NFYB: variants seen among roughly 807,000 people sequenced by gnomAD.
The protein encoded by NFYB is CAAT box DNA-binding protein subunit B.
In NFYB, 13 loss-of-function variants were observed where a neutral mutation model predicts 28.0. That is an observed-to-expected ratio of 0.46 (90% CI 0.30 to 0.74). The LOEUF (loss-of-function observed/expected upper bound fraction) is 0.74. Among genes scored for constraint, NFYB ranks in the 30% least tolerant of loss-of-function variants. NFYB has a pLI of 0.07. For synonymous variants in NFYB, 74 were observed against 75.0 expected, an observed-to-expected ratio of 0.99 and a Z score of 0.07; for missense variants, 142 against 247.6, an observed-to-expected ratio of 0.57 and a Z score of 2.86.
chr12:104,132,738 G>C (rs569413767), intron 2 of NFYB, among the ~76,000 whole-genome samples: 1 of 152,336 alleles, frequency 6.6e-6, no homozygotes, highest in South Asian at 2.1e-4. Context: ...GACAGTGTAA[G>C]CCTAGCTGAA....
In NFYB at chr12:104,121,303, C is replaced by T; in HGVS notation, c.448G>A (p.Gly150Arg). The T allele has an allele frequency of 6.2e-7, 1 of 1,612,396 alleles. No homozygotes were observed. The highest frequency in any genetic ancestry group is 8.5e-7 in the Non-Finnish European group (1 of 1,179,548). ...KFREAMKGEK[G>R]IGGAVTATDG... is the part of the protein sequence containing the mutation. ...GTAGCTGTGACTGCTCCACCAATTC[C>T]CTTTTCTCCTTTCATAGCCTGAGGA... Residue 150 changes from glycine to arginine, a missense_variant, in exon 6 of 8, where the codon GGA becomes AGA. Gly to Arg is a moderately radical substitution (Grantham distance 125). Coordinates refer to ENST00000240055, the MANE Select transcript of NFYB (RefSeq NM_006166.4).
chr12:104,123,202 C>T, intron 5 of NFYB, 24 bp downstream of exon 5: 1 of 1,534,370 alleles, frequency 6.5e-7, no homozygotes, highest in Non-Finnish European at 8.9e-7. Flanking sequence ...AAAAAAAAAG[C>T]ACAATGGGAG....
At chr12:104,123,923 T>C (rs997424762) in intron 4 of NFYB, among the ~76,000 whole-genome samples, 8 of 152,096 alleles carry the variant, frequency 5.3e-5, no homozygotes, top group African/African-American at 1.9e-4. Flanking sequence ...ATTGAGCCAC[T>C]GTACTCCAGG....
At chr12:104,133,600 G>A (rs1387395667) in intron 2 of NFYB, among the ~76,000 whole-genome samples, 1 of 152,184 alleles carries the variant, frequency 6.6e-6, no homozygotes, top group Admixed American at 6.5e-5. Flanking sequence ...CTAGCAAAGT[G>A]CAAGATACAT....
intron 2 of NFYB, among the ~76,000 whole-genome samples, chr12:104,133,676 G>A (rs1034401269): frequency 5.9e-5 from 9 of 152,096 alleles, no homozygotes; most frequent in Non-Finnish European, 1.3e-4. Context: ...TATTCTTCCA[G>A]GCAGAGATTC....
intron 2 of NFYB, among the ~76,000 whole-genome samples, chr12:104,132,246 C>G (rs2030950838): frequency 6.6e-6 from 1 of 151,958 alleles, no homozygotes; most frequent in Non-Finnish European, 1.5e-5. Flanking sequence ...AGAAATCAGT[C>G]AGGCAAAAAG....
In NFYB at chr12:104,123,447, T is replaced by C. The variant is rs535887513; in HGVS notation, c.232-24A>G. The C allele has an allele frequency of 1.2e-4, 200 of 1,601,002 alleles. 2 individuals carry two copies. The South Asian group carries it at 1.9e-3, about 15-fold the overall frequency. On this transcript the variant is annotated intron_variant, in intron 4 of 7. Transcript: ENST00000240055. The stretch of plus-strand genomic sequence containing the variant: ...ATCTGAAGAGAAAATCATAGGTAAA[T>C]TACAGAAACTATAACCATCACCTTC...
At chr12:104,126,269 G>T in intron 3 of NFYB, 25 bp from the exon 4 acceptor site, 1 of 1,489,608 alleles carries the variant, frequency 6.7e-7, no homozygotes, top group Non-Finnish European at 8.9e-7. Context: ...ATATTTAGGT[G>T]TAAAGCTTCT....
intron 1 of NFYB, 157 bp downstream of exon 1, chr12:104,137,984 G>T (rs1477729875): frequency 6.9e-6 from 1 of 145,392 alleles, no homozygotes. Context: ...TCGCAGGCGC[G>T]GGGCCCGGCC....
intron 1 of NFYB, 196 bp downstream of exon 1, chr12:104,137,945 C>CCCCGGCCCGG (rs1279869447): frequency 6.8e-6 from 1 of 146,266 alleles, no homozygotes; most frequent in Non-Finnish European, 1.5e-5. Flanking sequence ...CGCGCCCGCT[C>CCCCGGCCCGG]CCCGGCCCGG....
In NFYB at chr12:104,123,208, G is replaced by A. The variant is rs1379536721; in HGVS notation, c.429+18C>T. ...AAAAGAAGAAAAAAAAAAGCACAAT[G>A]GGAGATATTTTATTTACCTCTCTGA... On this transcript the variant is annotated intron_variant, in intron 5 of 7. Transcript: ENST00000240055. 3.2e-6 allele frequency: 5 copies of A among 1,565,654 alleles called. No individual in the cohort carries two copies. The highest frequency in any genetic ancestry group is 1.7e-6 in the Non-Finnish European group (2 of 1,148,814).
At position 104,125,548 on chromosome 12, in the gene NFYB, C is replaced by T. The variant is rs776228402; in HGVS notation, c.231+566G>A. 5.9e-5 allele frequency among the ~76,000 whole-genome samples: 9 copies of T among 151,562 alleles called. No homozygotes were observed. The South Asian group carries it at 6.3e-4, about 11-fold the overall frequency. Reference sequence around the variant, plus strand: ...AAACCTGATAGTTCTGACAACGTACCTATTTTTTAAAACAGTCGGGCCAGG... The same window carrying T: ...AAACCTGATAGTTCTGACAACGTACTTATTTTTTAAAACAGTCGGGCCAGG... On this transcript the variant is annotated intron_variant, in intron 4 of 7. Coordinates refer to ENST00000240055, the MANE Select transcript of NFYB (RefSeq NM_006166.4).
At chr12:104,125,689 A>C (rs1013251284) in intron 4 of NFYB, among the ~76,000 whole-genome samples, 1 of 151,126 alleles carries the variant, frequency 6.6e-6, no homozygotes, top group Non-Finnish European at 1.5e-5. Flanking sequence ...TTTCTACCAA[A>C]AATACAAAAT....
chr12:104,137,061 G>A (rs557717506), intron 1 of NFYB, among the ~76,000 whole-genome samples: 47 of 152,264 alleles, frequency 3.1e-4, no homozygotes, highest in African/African-American at 1.1e-3. Flanking sequence ...ATATTGATCC[G>A]TTTGCTTTCA....
intron 5 of NFYB, 126 bp from the exon 6 acceptor site, chr12:104,121,447 C>CCAGAAGTGTTAATAA: frequency 1.4e-6 from 1 of 740,644 alleles, no homozygotes; most frequent in Non-Finnish European, 2.2e-6. Flanking sequence ...TATTTATTAA[C>CCAGAAGTGTTAATAA]ACTTCTGGTT....
intron 2 of NFYB, among the ~76,000 whole-genome samples, chr12:104,132,036 G>A (rs913764611): frequency 6.6e-6 from 1 of 152,162 alleles, no homozygotes; most frequent in African/African-American, 2.4e-5. Flanking sequence ...ATAGTACAAT[G>A]GGCATACTCA....
At chr12:104,120,256 T>C (rs141075035) in intron 7 of NFYB, 144 bp downstream of exon 7, 33,569 of 590,302 alleles carry the variant, frequency 0.057, 1,171 homozygotes, top group Non-Finnish European at 0.071. Context: ...GGTTTCACCA[T>C]GTTGGCCAGG....
chr12:104,130,763 A>G (rs2030892518), intron 2 of NFYB, among the ~76,000 whole-genome samples: 1 of 152,208 alleles, frequency 6.6e-6, no homozygotes, highest in African/African-American at 2.4e-5. Context: ...TTTAATAGAC[A>G]TGATGGATTT....
At chr12:104,127,602 T>A (rs1462588785) in intron 3 of NFYB, among the ~76,000 whole-genome samples, 1 of 151,348 alleles carries the variant, frequency 6.6e-6, no homozygotes, top group Non-Finnish European at 1.5e-5. Flanking sequence ...AAAAAAAATT[T>A]TTTTTACAAA....
Sources: gnomAD v4.1 joint callset for allele counts (sites outside exome capture counted in the v4.1 genomes callset) on GRCh38, gnomAD v4.1.1 for gene constraint, MANE v1.5 for transcripts, NCBI Gene and HGNC (gene_info 2026-07-23, HGNC 2026-07-21) for gene names.